Variants in SLFN12L observed in about 807,000 individuals in gnomAD.
SLFN12L encodes schlafen family member 12 like, also known as schlafen family member 12-like.
A neutral mutation model predicts 34.8 loss-of-function variants in SLFN12L; 34 were observed. The ratio of observed to expected loss-of-function variants is 0.98; its 90% CI spans 0.74 to 1.30. SLFN12L has a LOEUF of 1.30. Among genes scored for constraint, SLFN12L ranks in the 50% most tolerant of loss-of-function variants. SLFN12L has a pLI of 0.00. For synonymous variants in SLFN12L, 259 were observed against 247.5 expected (o/e 1.05, Z -0.44); for missense variants, 703 against 696.2 (o/e 1.01, Z -0.11).
At chr17:35,486,555 C>G (rs745354356) in intron 2 of SLFN12L, among the ~76,000 whole-genome samples, 10 of 152,118 alleles carry the variant, frequency 6.6e-5, no homozygotes, top group Non-Finnish European at 1.3e-4. Context: ...TTCAAAACCT[C>G]AGGCTTCAGG....
chr17:35,530,958 G>T (rs1489740322), intron 1 of SLFN12L, among the ~76,000 whole-genome samples: 1 of 152,110 alleles, frequency 6.6e-6, no homozygotes, highest in East Asian at 1.9e-4. Flanking sequence ...TATGGTTTAG[G>T]TCACAACAAA....
At chr17:35,482,022 C>T (rs1914361265) in intron 2 of SLFN12L, among the ~76,000 whole-genome samples, 1 of 152,020 alleles carries the variant, frequency 6.6e-6, no homozygotes, top group Non-Finnish European at 1.5e-5. Flanking sequence ...ACCATGCCTG[C>T]CTAATTTTTT....
chr17:35,522,642 C>T lies in SLFN12L; in HGVS notation c.-278G>A, dbSNP rs1916032830. ...CAGCCTCCAAAGCCTCTGCGCTGCT[C>T]TCAGGACTCAGGCAGAGGACCTTGG... On this transcript the variant is annotated 5_prime_UTR_variant, in exon 2 of 5. Transcript: ENST00000628453. 4 of 1,613,722 alleles carry T rather than the reference C, an allele frequency of 2.5e-6. No individual in the cohort carries two copies. Among genetic ancestry groups the T allele is most frequent in the Admixed American group, 1.7e-5 (1 of 59,988 alleles).
At chr17:35,483,787 C>T (rs966398614) in intron 2 of SLFN12L, among the ~76,000 whole-genome samples, 1 of 152,176 alleles carries the variant, frequency 6.6e-6, no homozygotes, top group African/African-American at 2.4e-5. Context: ...GTAGTAATCA[C>T]TACACTAGGA....
rs1913876049 is a variant in SLFN12L at position 35,474,682 on chromosome 17, G to A, written c.*241C>T. 1 of 384,646 alleles carries A rather than the reference G, an allele frequency of 2.6e-6. No homozygotes were observed. Among genetic ancestry groups the A allele is most frequent in the African/African-American group, 2.7e-5 (1 of 36,662 alleles). 23.8% of individuals were successfully genotyped at this position (384,646 alleles called of 1,614,324 possible). A position where few individuals can be genotyped will look rare whatever the true frequency, so the allele number is the denominator to read the frequency against. On this transcript the variant is annotated 3_prime_UTR_variant, in exon 5 of 5. Coordinates refer to ENST00000628453, the MANE Select transcript of SLFN12L (RefSeq NM_001363830.2). ...CACATCTGTACTCCTAGCACTTTGG[G>A]AGACCGGGGGGGGGGGTTGAATCAC...
intron 1 of SLFN12L, among the ~76,000 whole-genome samples, chr17:35,526,615 A>G (rs979639813): frequency 7.2e-5 from 11 of 152,348 alleles, no homozygotes; most frequent in Non-Finnish European, 1.3e-4. Context: ...ACTACCAGGT[A>G]AATAACGAAA....
At chr17:35,509,042 G>C (rs962990795) in intron 2 of SLFN12L, among the ~76,000 whole-genome samples, 9 of 152,172 alleles carry the variant, frequency 5.9e-5, no homozygotes, top group African/African-American at 1.9e-4. Context: ...ACAGAGTGAG[G>C]AATCCCAGGA....
At chr17:35,521,660 G>A (rs757367406) in intron 2 of SLFN12L, among the ~76,000 whole-genome samples, 13 of 152,034 alleles carry the variant, frequency 8.6e-5, no homozygotes, top group Non-Finnish European at 1.8e-4. Flanking sequence ...AGGAGTTCAG[G>A]GATATGGTGA....
At chr17:35,476,454 C>CAAGGAAGGAAGGAAGG (rs59968985) in intron 4 of SLFN12L, among the ~76,000 whole-genome samples, 118 of 105,608 alleles carry the variant, frequency 1.1e-3, no homozygotes, top group Admixed American at 3.4e-3. Flanking sequence ...GAAAAGAAAG[C>CAAGGAAGGAAGGAAGG]AAGGAAGGAA....
chr17:35,474,743 G>A lies in SLFN12L; in HGVS notation c.*180C>T, dbSNP rs1424159453. On this transcript the variant is annotated 3_prime_UTR_variant, in exon 5 of 5. Coordinates refer to ENST00000628453, the MANE Select transcript of SLFN12L (RefSeq NM_001363830.2). ...GTTCAAGACCAGCCTGGCCAAGACGGTGAAACCCCATCTCTGCTAAAAATA... is the reference window on the plus strand; with the variant it reads ...GTTCAAGACCAGCCTGGCCAAGACGATGAAACCCCATCTCTGCTAAAAATA... 4.0e-6 allele frequency: 2 copies of A among 497,558 alleles called. No individual in the cohort carries two copies. Among genetic ancestry groups the A allele is most frequent in the East Asian group, 7.7e-5 (2 of 25,856 alleles). The allele number at this position is 497,558 out of a possible 1,614,324, so 30.8% of individuals were successfully genotyped here. A position where few individuals can be genotyped will look rare whatever the true frequency, so the allele number is the denominator to read the frequency against.
intron 2 of SLFN12L, chr17:35,498,762 A>G (rs1171669673): frequency 3.5e-6 from 4 of 1,134,204 alleles, no homozygotes; most frequent in Non-Finnish European, 5.2e-6. Flanking sequence ...CCAAAGTGAC[A>G]GCTATACTGC....
rs1188282403 is a variant in SLFN12L at position 35,522,307 on chromosome 17, C to T, written c.58G>A (p.Glu20Lys). 1.9e-6 allele frequency: 3 copies of T among 1,614,040 alleles called. No individual in the cohort carries two copies. The highest frequency in any genetic ancestry group is 2.5e-6 in the Non-Finnish European group (3 of 1,180,022). Residue 20 changes from glutamate to lysine, a missense_variant, in exon 2 of 5, where the codon GAA becomes AAA. Coordinates refer to ENST00000628453, the MANE Select transcript of SLFN12L (RefSeq NM_001363830.2). ...CEAHRILYIC[E>K]SQFLRNFIRK... ...ATGAAATTCCTCAGAAACTGACTTT[C>T]ACAAATGTAGAGAATTCTGTGTGCC...
At chr17:35,498,591 A>C in intron 2 of SLFN12L, 1 of 1,589,008 alleles carries the variant, frequency 6.3e-7, no homozygotes, top group African/African-American at 1.3e-5. Flanking sequence ...CTTCCATGGA[A>C]TGTTTCTGCA....
At chr17:35,488,005 G>C (rs529568550) in intron 2 of SLFN12L, 5 of 652,458 alleles carry the variant, frequency 7.7e-6, no homozygotes, top group Non-Finnish European at 1.4e-5. Flanking sequence ...TTAGGAGATA[G>C]AGACCATCCT....
In SLFN12L at chr17:35,468,392, G is replaced by T. The variant is rs1013918148; in HGVS notation, c.*6531C>A. Among the ~76,000 whole-genome samples, 1 of 152,094 alleles carries T rather than the reference G, an allele frequency of 6.6e-6. No homozygotes were observed. Among genetic ancestry groups the T allele is most frequent in the East Asian group, 1.9e-4 (1 of 5,196 alleles). On this transcript the variant is annotated 3_prime_UTR_variant, in exon 5 of 5. Transcript: ENST00000628453. The stretch of plus-strand genomic sequence containing the variant: ...TCCTAGATGACATTTTCCTGGATAG[G>T]CACTCACTGCTGGAGATTATGCTGC...
intron 2 of SLFN12L, among the ~76,000 whole-genome samples, chr17:35,510,833 C>CA (rs34262146): frequency 0.16 from 22,643 of 139,422 alleles, 3,004 homozygotes; most frequent in African/African-American, 0.36. Flanking sequence ...GAATTCACAG[C>CA]AAAAAAAAAA....
At chr17:35,483,433 A>T (rs552598754) in intron 2 of SLFN12L, among the ~76,000 whole-genome samples, 49 of 152,304 alleles carry the variant, frequency 3.2e-4, no homozygotes, top group African/African-American at 1.1e-3. Flanking sequence ...CCTGTAACAC[A>T]AGCTCACCCC....
At chr17:35,490,284 G>A in intron 2 of SLFN12L, 1 of 1,494,640 alleles carries the variant, frequency 6.7e-7, no homozygotes, top group Non-Finnish European at 9.3e-7. Context: ...ACCCCCAAGG[G>A]CAAAGGAAGA....
chr17:35,479,932 A>T lies in SLFN12L; in HGVS notation c.350T>A (p.Ile117Lys). Residue 117 changes from isoleucine to lysine, a missense_variant, in exon 3 of 5, where the codon ATA becomes AAA. Physicochemically the swap from Ile to Lys is moderately radical, Grantham distance 102. Coordinates refer to ENST00000628453, the MANE Select transcript of SLFN12L (RefSeq NM_001363830.2). ...NKGYSYKKDG[I>K]GLDLENSFSN... ...AAAAGAATTTTCCAAATCTAGCCCT[A>T]TTCCATCTTTTTTATAACTATAGCC... 6.2e-7 allele frequency: 1 copy of T among 1,614,132 alleles called. No individual in the cohort carries two copies. Among genetic ancestry groups the T allele is most frequent in the African/African-American group, 1.3e-5 (1 of 75,054 alleles).
Sources: gnomAD v4.1 joint callset for allele counts (sites outside exome capture counted in the v4.1 genomes callset) on GRCh38, gnomAD v4.1.1 for gene constraint, MANE v1.5 for transcripts, NCBI Gene and HGNC (gene_info 2026-07-23, HGNC 2026-07-21) for gene names.